Variants in PUM2 observed in about 807,000 individuals in gnomAD.
PUM2 encodes pumilio RNA binding family member 2, also known as pumilio homolog 2.
A neutral mutation model predicts 124.5 loss-of-function variants in PUM2; 57 were observed. That is an observed-to-expected ratio of 0.46 (90% confidence interval 0.37 to 0.57). The LOEUF is 0.57. Among genes scored for constraint, PUM2 ranks in the 20% least tolerant of loss-of-function variants. The pLI is 0.00. For synonymous variants in PUM2, 460 were observed against 446.1 expected, an observed-to-expected ratio of 1.03 and a Z score of -0.39; for missense variants, 1,065 against 1,290.6, an observed-to-expected ratio of 0.83 and a Z score of 2.68.
intron 13 of PUM2, among the ~76,000 whole-genome samples, chr2:20,265,177 G>A (rs925743897): frequency 6.6e-5 from 10 of 151,604 alleles, no homozygotes; most frequent in African/African-American, 2.2e-4. Flanking sequence ...GCTTGAACCC[G>A]GGATACGGAG....
chr2:20,286,135 G>C (rs985027271), intron 10 of PUM2, among the ~76,000 whole-genome samples: 7 of 152,202 alleles, frequency 4.6e-5, no homozygotes, highest in African/African-American at 1.7e-4. Context: ...GAGTTTTGAG[G>C]AGAGGAGTGA....
chr2:20,302,115 A>G (rs1677127309), intron 7 of PUM2, among the ~76,000 whole-genome samples: 1 of 152,228 alleles, frequency 6.6e-6, no homozygotes, highest in African/African-American at 2.4e-5. Flanking sequence ...ACTATGTTGC[A>G]GAGTTCAGGC....
chr2:20,292,331 G>T (rs1341925613), intron 9 of PUM2, among the ~76,000 whole-genome samples: 1 of 151,262 alleles, frequency 6.6e-6, no homozygotes, highest in African/African-American at 2.4e-5. Flanking sequence ...ATTTGTTTGG[G>T]AGTAGGAGGA....
intron 1 of PUM2, among the ~76,000 whole-genome samples, chr2:20,334,662 A>G (rs1191391798): frequency 6.6e-6 from 1 of 152,330 alleles, no homozygotes; most frequent in East Asian, 1.9e-4. Context: ...ATCTTCATAT[A>G]TTAACATACA....
At chr2:20,271,299 T>C (rs1486503874) in intron 13 of PUM2, among the ~76,000 whole-genome samples, 8 of 152,158 alleles carry the variant, frequency 5.3e-5, no homozygotes, top group African/African-American at 1.9e-4. Context: ...TATTTTAAAG[T>C]ATTACAAACA....
intron 1 of PUM2, among the ~76,000 whole-genome samples, chr2:20,333,565 T>G (rs1441063658): frequency 6.6e-6 from 1 of 152,106 alleles, no homozygotes; most frequent in Non-Finnish European, 1.5e-5. Context: ...TTGACAAATA[T>G]CTTGTGTAAA....
chr2:20,306,624 T>C (rs1456991954), intron 7 of PUM2, among the ~76,000 whole-genome samples: 7 of 145,116 alleles, frequency 4.8e-5, no homozygotes, highest in Non-Finnish European at 7.5e-5. Flanking sequence ...TTTTTTTTTT[T>C]CTTGAGCGGA....
At chr2:20,287,952 G>C (rs1224446815) in intron 10 of PUM2, among the ~76,000 whole-genome samples, 1 of 152,148 alleles carries the variant, frequency 6.6e-6, no homozygotes, top group Non-Finnish European at 1.5e-5. Context: ...AAGTAGAAAT[G>C]TCTGGTATAA....
intron 12 of PUM2, among the ~76,000 whole-genome samples, chr2:20,282,289 T>C (rs933943121): frequency 1.3e-5 from 2 of 152,206 alleles, no homozygotes; most frequent in Non-Finnish European, 2.9e-5. Context: ...AATTATTTAG[T>C]GAAGCTATTT....
intron 1 of PUM2, among the ~76,000 whole-genome samples, chr2:20,335,099 T>C (rs1473585381): frequency 6.6e-6 from 1 of 152,126 alleles, no homozygotes; most frequent in Non-Finnish European, 1.5e-5. Flanking sequence ...AATTTTTGTA[T>C]TTTTTGTAGA....
chr2:20,326,575 T>C (rs1433877287), intron 2 of PUM2, among the ~76,000 whole-genome samples: 5 of 152,186 alleles, frequency 3.3e-5, no homozygotes, highest in Non-Finnish European at 7.3e-5. Context: ...GTTTCCATAA[T>C]CAAAGTTCTC....
At chr2:20,306,971 T>A (rs997695568) in intron 7 of PUM2, among the ~76,000 whole-genome samples, 2 of 146,228 alleles carry the variant, frequency 1.4e-5, no homozygotes, top group East Asian at 4.6e-4. Flanking sequence ...CCCAGCACTT[T>A]GGGAGGCCGA....
rs925253903 is a variant in PUM2 at position 20,300,330 on chromosome 2, G to A, written c.884-2652C>T. ...ACGCCTGGCTAATTTTGTATTTTTA[G>A]TAGAGACGGGGTTTCTCCATGTTGG... On this transcript the variant is annotated intron_variant, in intron 7 of 20. Coordinates refer to ENST00000361078, the MANE Select transcript of PUM2 (RefSeq NM_015317.5). Among the ~76,000 whole-genome samples the A allele has an allele frequency of 4.6e-5, 7 of 152,194 alleles. No individual in the cohort carries two copies. In the South Asian group the frequency reaches 1.5e-3, roughly 32 times the overall value.
chr2:20,350,419 C>T (rs1431793178), intron 1 of PUM2, 178 bp downstream of exon 1: 6 of 926,302 alleles, frequency 6.5e-6, no homozygotes, highest in Non-Finnish European at 7.7e-6. Context: ...CCCCTTCCGG[C>T]ACCCCTCCCC....
intron 13 of PUM2, among the ~76,000 whole-genome samples, chr2:20,278,281 A>G (rs1670699486): frequency 6.6e-6 from 1 of 152,140 alleles, no homozygotes; most frequent in African/African-American, 2.4e-5. Context: ...TTATGTTTAT[A>G]TAGTTGACTT....
chr2:20,316,711 C>T (rs10170538), intron 3 of PUM2, among the ~76,000 whole-genome samples: 1 of 151,606 alleles, frequency 6.6e-6, no homozygotes, highest in Non-Finnish European at 1.5e-5. Context: ...ATAGTGAGAC[C>T]CCCATCTCTA....
intron 8 of PUM2, among the ~76,000 whole-genome samples, chr2:20,296,363 T>C (rs1031961569): frequency 9.2e-5 from 14 of 151,866 alleles, no homozygotes; most frequent in South Asian, 2.1e-4. Context: ...GGCGTGGTGG[T>C]GGGCGCCTGT....
intron 1 of PUM2, among the ~76,000 whole-genome samples, chr2:20,330,877 C>T (rs1684763297): frequency 6.6e-6 from 1 of 152,160 alleles, no homozygotes. Context: ...ATGCTCTCTC[C>T]AGGGAGATAG....
intron 1 of PUM2, among the ~76,000 whole-genome samples, chr2:20,346,814 T>G (rs1225789041): frequency 1.3e-5 from 2 of 152,222 alleles, no homozygotes; most frequent in Admixed American, 1.3e-4. Context: ...TGGTTTTGAG[T>G]ACAATTTCAT....
Sources: gnomAD v4.1 joint callset for allele counts (sites outside exome capture counted in the v4.1 genomes callset) on GRCh38, gnomAD v4.1.1 for gene constraint, MANE v1.5 for transcripts, NCBI Gene and HGNC (gene_info 2026-07-23, HGNC 2026-07-21) for gene names.